ABCC4: variants seen among roughly 807,000 people sequenced by gnomAD.
The protein encoded by ABCC4 is ATP-binding cassette sub-family C member 4.
Under a neutral mutation model 168.5 loss-of-function variants are expected in ABCC4, and 102 were observed. The observed-to-expected ratio is 0.61, with a 90% CI of 0.52 to 0.71. The LOEUF (loss-of-function observed/expected upper bound fraction) is 0.71. Ranked by LOEUF, ABCC4 falls within the 30% of genes least tolerant of loss-of-function variation. The pLI is 0.00. For synonymous variants in ABCC4, 617 were observed against 590.7 expected (o/e 1.04, Z -0.65); for missense variants, 1,402 against 1,605.8 (o/e 0.87, Z 2.17).
intron 8 of ABCC4, among the ~76,000 whole-genome samples, 187 bp downstream of exon 8, chr13:95,206,345 T>A (rs377617200): frequency 3.9e-5 from 6 of 152,302 alleles, no homozygotes; most frequent in African/African-American, 1.4e-4. Flanking sequence ...TGAATCACAA[T>A]GCTTGCATTG....
At chr13:95,299,400 C>T (rs896947701) in intron 1 of ABCC4, among the ~76,000 whole-genome samples, 2 of 152,010 alleles carry the variant, frequency 1.3e-5, no homozygotes, top group Non-Finnish European at 2.9e-5. Flanking sequence ...AGAGAAAGGC[C>T]GCCAAACAAC....
chr13:95,260,365 G>A lies in ABCC4; in HGVS notation c.75-12612C>T, dbSNP rs548634696. 6.6e-5 allele frequency among the ~76,000 whole-genome samples: 10 copies of A among 152,196 alleles called. No homozygotes were observed. The South Asian group carries it at 1.9e-3, about 28-fold the overall frequency. On this transcript the variant is annotated intron_variant, in intron 1 of 30. Transcript: ENST00000645237. ...CAAAAACCCACAGACACCTAGAACCGCAACCTAAATGACTGAATCAGAACA... is the reference window on the plus strand; with the variant it reads ...CAAAAACCCACAGACACCTAGAACCACAACCTAAATGACTGAATCAGAACA...
Position 95,086,006 on chromosome 13 carries a change from A to AT in ABCC4, c.2536-2717dup, listed in dbSNP as rs1239828612. ...AGATACTATATCCTACACACGATTC[A>AT]TATTTTTAAAGCATTTAATACCGAA... On this transcript the variant is annotated intron_variant, in intron 20 of 30. Transcript: ENST00000645237. Among the ~76,000 whole-genome samples the AT allele has an allele frequency of 2.2e-4, 4 of 18,578 alleles. No homozygotes were observed. The South Asian group carries it at 8.5e-3, about 40-fold the overall frequency. 12.2% of individuals were successfully genotyped at this position (18,578 alleles called of 152,430 possible). A position where few individuals can be genotyped will look rare whatever the true frequency, so the allele number is the denominator to read the frequency against.
intron 1 of ABCC4, among the ~76,000 whole-genome samples, chr13:95,260,170 C>T (rs1405678250): frequency 2.0e-5 from 3 of 152,186 alleles, no homozygotes; most frequent in Admixed American, 6.5e-5. Context: ...CTTGCTTTGA[C>T]ACACCAAATG....
Position 95,083,221 on chromosome 13 carries a change from C to T in ABCC4, c.2605G>A (p.Val869Ile), listed in dbSNP as rs776174119. ...AVIPWIAIPL[V>I]PLGIIFIFLR... ...AAAATGAAAATGATTCCAAGGGGAACCAAGGGTATTGCGATCCAAGGAATC... is the reference window on the plus strand; with the variant it reads ...AAAATGAAAATGATTCCAAGGGGAATCAAGGGTATTGCGATCCAAGGAATC... The change falls in exon 21 of 31, where the codon GTT becomes ATT. Residue 869 changes from valine to isoleucine, a missense_variant. Val to Ile is a conservative substitution (Grantham distance 29). This residue lies in a region of ABCC4 where 1,007 missense variants were observed against 1,127.3 expected (regional missense o/e 0.89). Transcript: ENST00000645237. The T allele has an allele frequency of 3.7e-6, 6 of 1,613,856 alleles. No individual in the cohort carries two copies. In the African/African-American group the frequency reaches 6.7e-5, roughly 18 times the overall value.
intron 4 of ABCC4, among the ~76,000 whole-genome samples, chr13:95,231,170 G>C (rs1003858725): frequency 3.9e-5 from 6 of 152,172 alleles, no homozygotes; most frequent in Non-Finnish European, 7.3e-5. Flanking sequence ...GTTTCCACCT[G>C]GGAAGATGAA....
chr13:95,259,852 T>TGG (rs1184016021), intron 1 of ABCC4, among the ~76,000 whole-genome samples: 7 of 113,566 alleles, frequency 6.2e-5, no homozygotes, highest in Admixed American at 8.1e-5. Context: ...CTGTGTAGTG[T>TGG]GGGGAAAAAA....
intron 1 of ABCC4, among the ~76,000 whole-genome samples, chr13:95,281,197 C>CT (rs11384467): frequency 0.012 from 1,769 of 149,118 alleles, 34 homozygotes; most frequent in African/African-American, 0.041. Context: ...GTAATCCCAG[C>CT]TACTTGGGAG....
chr13:95,071,363 A>G (rs2033717856), intron 25 of ABCC4, among the ~76,000 whole-genome samples: 1 of 152,234 alleles, frequency 6.6e-6, no homozygotes, highest in African/African-American at 2.4e-5. Flanking sequence ...AGAATTAGAC[A>G]TAGGAGTGTT....
intron 4 of ABCC4, among the ~76,000 whole-genome samples, chr13:95,233,705 G>C (rs72643680): frequency 0.015 from 2,289 of 152,160 alleles, 23 homozygotes; most frequent in Admixed American, 0.025. Context: ...ATATGGGAGG[G>C]TGTGAATAAG....
intron 1 of ABCC4, among the ~76,000 whole-genome samples, chr13:95,254,261 T>A (rs914793332): frequency 2.6e-5 from 4 of 152,164 alleles, no homozygotes; most frequent in Non-Finnish European, 5.9e-5. Context: ...ACACACAGAA[T>A]TTCTCAGAGT....
At chr13:95,050,188 C>G (rs190129291) in intron 27 of ABCC4, among the ~76,000 whole-genome samples, 1 of 152,306 alleles carries the variant, frequency 6.6e-6, no homozygotes, top group East Asian at 1.9e-4. Flanking sequence ...CATAACTTCA[C>G]GTTTACAATC....
rs1019370520 is a variant in ABCC4 at position 95,043,705 on chromosome 13, T to A, written c.3712A>T (p.Ile1238Phe). The A allele has an allele frequency of 6.2e-7, 1 of 1,613,458 alleles. No individual in the cohort carries two copies. Among genetic ancestry groups the A allele is most frequent in the Non-Finnish European group, 8.5e-7 (1 of 1,179,638 alleles). Reference sequence around the variant, plus strand: ...ACCATTATCTTGTCGCTGTCAATAATGGTGTTCAATCTGTGTGCAATGGTT... The same window carrying A: ...ACCATTATCTTGTCGCTGTCAATAAAGGTGTTCAATCTGTGTGCAATGGTT... ...VLTIAHRLNTIIDSDKIMVLD... is the reference protein window; with the variant it reads ...VLTIAHRLNTFIDSDKIMVLD... Residue 1238 changes from isoleucine to phenylalanine, a missense_variant, in exon 29 of 31, where the codon ATT becomes TTT. Physicochemically the swap from Ile to Phe is conservative, Grantham distance 21. This residue lies in a region of ABCC4 where 1,007 missense variants were observed against 1,127.3 expected (regional missense o/e 0.89). Transcript: ENST00000645237.
chr13:95,059,641 A>AT (rs11383966), intron 26 of ABCC4, among the ~76,000 whole-genome samples: 89,943 of 151,176 alleles, frequency 0.59, 26,972 homozygotes, highest in South Asian at 0.75. Flanking sequence ...TATTGTGCAC[A>AT]TTTTTTTTTG....
intron 30 of ABCC4, among the ~76,000 whole-genome samples, chr13:95,034,035 G>A (rs2032010521): frequency 6.6e-6 from 1 of 152,148 alleles, no homozygotes; most frequent in Non-Finnish European, 1.5e-5. Context: ...CAAAGAATGA[G>A]GGGAAAACCC....
At chr13:95,253,065 T>C (rs116672378) in intron 1 of ABCC4, among the ~76,000 whole-genome samples, 4,845 of 152,294 alleles carry the variant, frequency 0.032, 123 homozygotes, top group Middle Eastern at 0.082. Context: ...TTTCCACTGT[T>C]CTTCCTCACC....
Position 95,254,240 on chromosome 13 carries a change from T to C in ABCC4, c.75-6487A>G, listed in dbSNP as rs150587994. ...ACAGAACTGGTAACACTTTACTTTC[T>C]ACCTGACACTACACACAGAATTTCT... On this transcript the variant is annotated intron_variant, in intron 1 of 30. Transcript: ENST00000645237. Among the ~76,000 whole-genome samples the C allele has an allele frequency of 2.5e-3, 382 of 152,338 alleles. 1 individual carries two copies. The highest frequency in any genetic ancestry group is 8.7e-3 in the African/African-American group (361 of 41,568).
intron 11 of ABCC4, among the ~76,000 whole-genome samples, chr13:95,185,801 A>C (rs1246378733): frequency 6.6e-6 from 1 of 152,000 alleles, no homozygotes; most frequent in Non-Finnish European, 1.5e-5. Context: ...GGTTTATGAA[A>C]ACCTCAGTGT....
At position 95,241,338 on chromosome 13, in the gene ABCC4, C is replaced by T. The variant is rs920250419; in HGVS notation, c.306+5637G>A. ...CGAGATCGTGCCACTGCACTCCAGC[C>T]TGGTGACAGAATGAGACTCCATCTC... On this transcript the variant is annotated intron_variant, in intron 3 of 30. Coordinates refer to ENST00000645237, the MANE Select transcript of ABCC4 (RefSeq NM_005845.5). Among the ~76,000 whole-genome samples, 23 of 148,292 alleles carry T rather than the reference C, an allele frequency of 1.6e-4. 1 individual carries two copies.
Sources: gnomAD v4.1 joint callset for allele counts (sites outside exome capture counted in the v4.1 genomes callset) on GRCh38, gnomAD v4.1.1 for gene constraint, gnomAD v4.1.1 regional missense constraint, MANE v1.5 for transcripts, NCBI Gene and HGNC (gene_info 2026-07-23, HGNC 2026-07-21) for gene names.